Variants in EPHA6 observed in about 807,000 individuals in gnomAD.
The protein encoded by EPHA6 is ephrin type-A receptor 6.
In EPHA6, 50 loss-of-function variants were observed where a neutral mutation model predicts 112.0. The observed-to-expected ratio is 0.45, with a 90% CI of 0.36 to 0.56. EPHA6 has a LOEUF of 0.56. Ranked by LOEUF, EPHA6 falls within the 20% of genes least tolerant of loss-of-function variation. The probability of loss-of-function intolerance (pLI) is 0.00; values close to 1 mark genes in which losing one functional copy is unlikely to be tolerated. For missense variants in EPHA6, 1,280 were observed against 1,417.4 expected (o/e 0.90, Z 1.56); for synonymous variants, 529 against 490.7 (o/e 1.08, Z -1.03).
At chr3:96,824,904 A>G (rs544840102) in intron 1 of EPHA6, among the ~76,000 whole-genome samples, 114 of 151,968 alleles carry the variant, frequency 7.5e-4, no homozygotes, top group Non-Finnish European at 1.2e-3. Context: ...CCCTCCCGCA[A>G]AGGACAGTGT....
rs572859346 is a variant in EPHA6, at chr3:97,333,775, G to A, written c.1607-71375G>A. 4.6e-5 allele frequency among the ~76,000 whole-genome samples: 7 copies of A among 152,052 alleles called. No homozygotes were observed. In the East Asian group the frequency reaches 1.4e-3, roughly 30 times the overall value. On this transcript the variant is annotated intron_variant, in intron 5 of 17. Coordinates refer to ENST00000389672, the MANE Select transcript of EPHA6 (RefSeq NM_001080448.3). ...ATTACAGGCTTGACCTATCGTGCCT[G>A]GCCCACTCTCTATGTTTTTACCTCT...
intron 3 of EPHA6, among the ~76,000 whole-genome samples, chr3:97,035,682 G>T (rs996275606): frequency 6.6e-6 from 1 of 151,700 alleles, no homozygotes; most frequent in African/African-American, 2.4e-5. Context: ...AAGACTGATG[G>T]TTCTTCATTT....
chr3:97,634,546 C>G (rs1234174882), intron 13 of EPHA6, among the ~76,000 whole-genome samples: 1 of 151,984 alleles, frequency 6.6e-6, no homozygotes, highest in Non-Finnish European at 1.5e-5. Context: ...GCTCACAGGA[C>G]CAGCTTCCTT....
At chr3:97,118,160 T>C (rs1454112777) in intron 3 of EPHA6, among the ~76,000 whole-genome samples, 1 of 151,880 alleles carries the variant, frequency 6.6e-6, no homozygotes, top group Non-Finnish European at 1.5e-5. Flanking sequence ...CAACTTTATA[T>C]ACAAAAGATT....
At chr3:97,519,454 T>C (rs1394512821) in intron 10 of EPHA6, among the ~76,000 whole-genome samples, 1 of 152,216 alleles carries the variant, frequency 6.6e-6, no homozygotes, top group Non-Finnish European at 1.5e-5. Flanking sequence ...TCAGGATTGC[T>C]TTGGCTATTT....
intron 5 of EPHA6, among the ~76,000 whole-genome samples, chr3:97,359,651 A>G (rs1028938646): frequency 1.3e-5 from 2 of 151,974 alleles, no homozygotes; most frequent in African/African-American, 2.4e-5. Flanking sequence ...GCTTCTTTGT[A>G]TATCTTATGA....
rs553402026 is a variant in EPHA6 at position 97,641,434 on chromosome 3, G to A, written c.2784+3352G>A. On this transcript the variant is annotated intron_variant, in intron 14 of 17. Transcript: ENST00000389672. Reference sequence around the variant, plus strand: ...TCATTTATATGAAAAGGGTGGGGGAGGAGCCAAGATGGCTGAATAGGAATA... The same window carrying A: ...TCATTTATATGAAAAGGGTGGGGGAAGAGCCAAGATGGCTGAATAGGAATA... Among the ~76,000 whole-genome samples the A allele has an allele frequency of 2.0e-5, 3 of 152,316 alleles. No homozygotes were observed. In the East Asian group the frequency reaches 5.8e-4, roughly 29 times the overall value.
At chr3:97,054,617 A>AT (rs2045794012) in intron 3 of EPHA6, among the ~76,000 whole-genome samples, 1 of 152,158 alleles carries the variant, frequency 6.6e-6, no homozygotes, top group Admixed American at 6.6e-5. Flanking sequence ...TTATACACTG[A>AT]AATGAGAAGA....
intron 13 of EPHA6, among the ~76,000 whole-genome samples, chr3:97,630,248 G>A (rs1370780667): frequency 6.6e-6 from 1 of 151,762 alleles, no homozygotes; most frequent in South Asian, 2.1e-4. Context: ...AGTTCAAAAT[G>A]TATGATGACT....
chr3:97,324,411 TTC>T (rs1404994911), intron 5 of EPHA6, among the ~76,000 whole-genome samples: 1 of 117,248 alleles, frequency 8.5e-6, no homozygotes, highest in East Asian at 2.3e-4. Context: ...CTTCTTTTCT[TTC>T]TTTCTTTCTT....
chr3:97,678,966 A>C (rs1435432495), intron 14 of EPHA6, among the ~76,000 whole-genome samples: 1 of 152,204 alleles, frequency 6.6e-6, no homozygotes, highest in East Asian at 1.9e-4. Flanking sequence ...TAAAGATTTC[A>C]ACCCATCTCT....
intron 10 of EPHA6, among the ~76,000 whole-genome samples, chr3:97,524,281 G>A (rs887134215): frequency 2.0e-5 from 3 of 151,728 alleles, no homozygotes; most frequent in Admixed American, 2.0e-4. Flanking sequence ...GTTATCATGA[G>A]GCTTGCATAA....
intron 3 of EPHA6, among the ~76,000 whole-genome samples, chr3:97,211,373 A>C (rs2077869870): frequency 6.6e-6 from 1 of 152,168 alleles, no homozygotes; most frequent in Non-Finnish European, 1.5e-5. Context: ...GTTAAGTTCT[A>C]TCTTTTATTC....
chr3:97,229,534 C>A (rs1313859844), intron 4 of EPHA6, among the ~76,000 whole-genome samples: 3 of 151,970 alleles, frequency 2.0e-5, no homozygotes, highest in Non-Finnish European at 4.4e-5. Context: ...TTACATAAGT[C>A]AGATATTAAG....
At position 97,253,030 on chromosome 3, in the gene EPHA6, C is replaced by T. The variant is rs140087875; in HGVS notation, c.1606+8743C>T. Among the ~76,000 whole-genome samples the T allele has an allele frequency of 5.2e-4, 79 of 152,168 alleles. 1 individual carries two copies. The East Asian group carries it at 9.8e-3, about 19-fold the overall frequency. On this transcript the variant is annotated intron_variant, in intron 5 of 17. Coordinates refer to ENST00000389672, the MANE Select transcript of EPHA6 (RefSeq NM_001080448.3). ...AAAAAAGATGCCTGTGTGTTTGAGA[C>T]ATGATGGTTGCTATGGAGCAGCTAA...
intron 1 of EPHA6, among the ~76,000 whole-genome samples, chr3:96,855,841 A>G (rs2035664635): frequency 6.6e-6 from 1 of 152,156 alleles, no homozygotes; most frequent in Non-Finnish European, 1.5e-5. Flanking sequence ...TCATTGATAA[A>G]TCAATGGTTG....
intron 3 of EPHA6, among the ~76,000 whole-genome samples, chr3:97,198,481 C>T (rs902020953): frequency 2.6e-5 from 4 of 151,916 alleles, no homozygotes; most frequent in Admixed American, 1.3e-4. Flanking sequence ...CTCCCAGTTA[C>T]TACAGACTCC....
intron 2 of EPHA6, among the ~76,000 whole-genome samples, chr3:96,943,160 G>A (rs998572428): frequency 2.6e-5 from 4 of 151,912 alleles, no homozygotes; most frequent in Non-Finnish European, 4.4e-5. Flanking sequence ...GCAAATGACA[G>A]GATTTCATTC....
chr3:97,612,836 T>C (rs1688577829), intron 13 of EPHA6, among the ~76,000 whole-genome samples: 1 of 152,072 alleles, frequency 6.6e-6, no homozygotes, highest in Admixed American at 6.6e-5. Context: ...CATACAATTA[T>C]TATAAAGATT....
Sources: allele counts gnomAD v4.1 joint callset (sites outside exome capture counted in the v4.1 genomes callset), GRCh38; gene constraint gnomAD v4.1.1; transcripts MANE v1.5; gene names NCBI Gene and HGNC (gene_info 2026-07-23, HGNC 2026-07-21).